Variants in STRN observed in about 807,000 individuals in gnomAD.
STRN encodes the protein protein phosphatase 2 regulatory subunit B'''alpha.
STRN carries 53 observed loss-of-function variants against 96.3 expected under a neutral mutation model. That is an observed-to-expected ratio of 0.55 (90% CI 0.44 to 0.69). The LOEUF (loss-of-function observed/expected upper bound fraction) is 0.69, where lower values mean the gene tolerates loss of function less well. Ranked by LOEUF, STRN falls within the 30% of genes least tolerant of loss-of-function variation. The pLI is 0.00. For synonymous variants in STRN, 428 were observed against 355.9 expected, an observed-to-expected ratio of 1.20 and a Z score of -2.28; for missense variants, 987 against 963.9, an observed-to-expected ratio of 1.02 and a Z score of -0.32.
intron 6 of STRN, 82 bp from the exon 7 acceptor site, chr2:36,894,115 G>A: frequency 6.7e-7 from 1 of 1,484,110 alleles, no homozygotes; most frequent in Non-Finnish European, 9.0e-7. Flanking sequence ...ATTTTCTTCA[G>A]AAAGTATACG....
intron 2 of STRN, among the ~76,000 whole-genome samples, chr2:36,917,281 G>T (rs1207607446): frequency 6.6e-6 from 1 of 151,432 alleles, no homozygotes; most frequent in Non-Finnish European, 1.5e-5. Flanking sequence ...TAACACTTTG[G>T]GAGGCCAAGG....
intron 1 of STRN, among the ~76,000 whole-genome samples, chr2:36,962,206 T>G (rs1168752260): frequency 1.3e-5 from 2 of 152,160 alleles, no homozygotes; most frequent in Non-Finnish European, 1.5e-5. Flanking sequence ...ATACAAATTA[T>G]TAATGCCAAA....
intron 6 of STRN, among the ~76,000 whole-genome samples, chr2:36,897,942 C>T (rs959724762): frequency 2.6e-5 from 4 of 152,092 alleles, no homozygotes; most frequent in African/African-American, 9.7e-5. Context: ...CCTCCCACTT[C>T]AGCCTCCTGA....
At chr2:36,955,161 A>G (rs981144195) in intron 1 of STRN, among the ~76,000 whole-genome samples, 1 of 152,204 alleles carries the variant, frequency 6.6e-6, no homozygotes, top group Non-Finnish European at 1.5e-5. Flanking sequence ...AGAGTGAGGG[A>G]CCAAAAAAAG....
At chr2:36,878,445 G>A (rs1668972819) in intron 9 of STRN, among the ~76,000 whole-genome samples, 1 of 152,074 alleles carries the variant, frequency 6.6e-6, no homozygotes, top group Non-Finnish European at 1.5e-5. Context: ...GAAGAATATA[G>A]AAAATTTCAA....
chr2:36,866,641 C>T (rs966678213), intron 12 of STRN, among the ~76,000 whole-genome samples: 2 of 152,054 alleles, frequency 1.3e-5, no homozygotes, highest in African/African-American at 4.8e-5. Context: ...TTAAAGTCTC[C>T]CACTATTATT....
At chr2:36,893,753 C>A in intron 7 of STRN, 145 bp downstream of exon 7, 1 of 894,886 alleles carries the variant, frequency 1.1e-6, no homozygotes. Flanking sequence ...CACACACATT[C>A]ACCCTGGATA....
rs1668062597 is a variant in STRN, at chr2:36,845,943, A to ACACACG, written c.*3512_*3513insCGTGTG. 4.3e-5 allele frequency: 5 copies of ACACACG among 114,992 alleles called. No individual in the cohort carries two copies. The highest frequency in any genetic ancestry group is 1.7e-4 in the African/African-American group (5 of 29,634). 7.1% of individuals were successfully genotyped at this position (114,992 alleles called of 1,614,324 possible). A position where few individuals can be genotyped will look rare whatever the true frequency, so the allele number is the denominator to read the frequency against. The stretch of plus-strand genomic sequence containing the variant: ...CACACACACACACACACACACACAC[A>ACACACG]CACACACACTAACTCTCTCTCTCTC... On this transcript the variant is annotated 3_prime_UTR_variant, in exon 18 of 18. Transcript: ENST00000263918.
At chr2:36,911,454 C>T (rs1669963890) in intron 3 of STRN, among the ~76,000 whole-genome samples, 2 of 152,180 alleles carry the variant, frequency 1.3e-5, no homozygotes, top group South Asian at 4.1e-4. Flanking sequence ...TCAAATCCAG[C>T]CTATCACCTG....
At chr2:36,957,917 A>AT (rs1188068591) in intron 1 of STRN, among the ~76,000 whole-genome samples, 1,560 of 90,366 alleles carry the variant, frequency 0.017, 47 homozygotes, top group African/African-American at 0.038. Context: ...CGCCCAGCTA[A>AT]TTTTTTTTTT....
chr2:36,919,475 G>C (rs1335881197), intron 2 of STRN, among the ~76,000 whole-genome samples: 1 of 151,590 alleles, frequency 6.6e-6, no homozygotes, highest in Non-Finnish European at 1.5e-5. Flanking sequence ...GACATCTTAA[G>C]TGGAAGAAAA....
chr2:36,861,747 ACACAC>A (rs1351029393), intron 12 of STRN, among the ~76,000 whole-genome samples: 1 of 151,970 alleles, frequency 6.6e-6, no homozygotes, highest in Non-Finnish European at 1.5e-5. Context: ...ACACACACAC[ACACAC>A]ACACACACAC....
At chr2:36,904,857 A>T (rs1327777669) in intron 4 of STRN, among the ~76,000 whole-genome samples, 1 of 152,224 alleles carries the variant, frequency 6.6e-6, no homozygotes, top group Non-Finnish European at 1.5e-5. Flanking sequence ...TGAATGAATG[A>T]ATGAATGAAA....
intron 7 of STRN, among the ~76,000 whole-genome samples, chr2:36,893,668 A>C (rs1056520478): frequency 1.3e-5 from 2 of 152,162 alleles, no homozygotes; most frequent in Non-Finnish European, 2.9e-5. Context: ...AGTAATTCAA[A>C]TTCTTTTCAT....
chr2:36,958,928 GAC>G (rs1471589106), intron 1 of STRN, among the ~76,000 whole-genome samples: 1 of 152,064 alleles, frequency 6.6e-6, no homozygotes, highest in Non-Finnish European at 1.5e-5. Flanking sequence ...CATCCTAGCT[GAC>G]ACAGTGAAAC....
At chr2:36,863,358 A>G (rs1347819122) in intron 12 of STRN, among the ~76,000 whole-genome samples, 3 of 152,118 alleles carry the variant, frequency 2.0e-5, no homozygotes, top group Non-Finnish European at 4.4e-5. Flanking sequence ...TATATATGGT[A>G]TAAGGAAGGG....
intron 12 of STRN, among the ~76,000 whole-genome samples, chr2:36,862,292 C>T (rs1226253648): frequency 6.6e-6 from 1 of 152,136 alleles, no homozygotes; most frequent in Non-Finnish European, 1.5e-5. Flanking sequence ...GCTAGGTTGA[C>T]TGGTAGTTCA....
In STRN at chr2:36,839,782, G is replaced by A. The variant is rs528114006; in HGVS notation, c.*9674C>T. 6.6e-6 allele frequency: 1 copy of A among 152,138 alleles called. No homozygotes were observed. Among genetic ancestry groups the A allele is most frequent in the South Asian group, 2.1e-4 (1 of 4,816 alleles). The allele number at this position is 152,138 out of a possible 1,614,324, so 9.4% of individuals were successfully genotyped here. A position where few individuals can be genotyped will look rare whatever the true frequency, so the allele number is the denominator to read the frequency against. ...TATATGTTTAATGTTGAGATTATTC[G>A]TTGAATATTTCATATGTAATTTGCT... On this transcript the variant is annotated 3_prime_UTR_variant, in exon 18 of 18. Coordinates refer to ENST00000263918, the MANE Select transcript of STRN (RefSeq NM_003162.4).
intron 1 of STRN, among the ~76,000 whole-genome samples, chr2:36,938,555 T>C (rs1333041533): frequency 6.6e-6 from 1 of 152,214 alleles, no homozygotes; most frequent in East Asian, 1.9e-4. Context: ...GGTAAGTAAG[T>C]AGCAGCCTTA....
Sources: gnomAD v4.1 joint callset for allele counts (sites outside exome capture counted in the v4.1 genomes callset) on GRCh38, gnomAD v4.1.1 for gene constraint, MANE v1.5 for transcripts, NCBI Gene and HGNC (gene_info 2026-07-23, HGNC 2026-07-21) for gene names.